Variants in ULK2 observed in about 807,000 individuals in gnomAD.
ULK2 encodes the protein serine/threonine-protein kinase ULK2.
Under a neutral mutation model 127.5 loss-of-function variants are expected in ULK2, and 76 were observed. The ratio of observed to expected loss-of-function variants is 0.60; its 90% CI spans 0.50 to 0.72. The LOEUF (loss-of-function observed/expected upper bound fraction) is 0.72. Ranked by LOEUF, ULK2 falls within the 30% of genes least tolerant of loss-of-function variation. ULK2 has a pLI of 0.00. For missense variants in ULK2, 1,144 were observed against 1,295.9 expected, an observed-to-expected ratio of 0.88 and a Z score of 1.80; for synonymous variants, 452 against 461.9, an observed-to-expected ratio of 0.98 and a Z score of 0.28.
chr17:19,799,558 G>T lies in ULK2; in HGVS notation c.1459C>A (p.Gln487Lys). Reference sequence around the variant, plus strand: ...TGCCCACAGCAGCACTGACTGAATTGCTCAGGAATGGTACCAACTACAAAA... The same window carrying T: ...TGCCCACAGCAGCACTGACTGAATTTCTCAGGAATGGTACCAACTACAAAA... ...PSPLVGTIPE[Q>K]FSQCCCGHPQ... is the part of the protein sequence containing the mutation. Residue 487 changes from glutamine (Q) to lysine (K), a missense_variant, in exon 17 of 27, where the codon CAA becomes AAA. Around this residue, in one of 2 missense-constraint regions of ULK2, gnomAD observed 913 missense variants for 970.5 expected, o/e 0.94. Coordinates refer to ENST00000395544, the MANE Select transcript of ULK2 (RefSeq NM_014683.4). 6.5e-7 allele frequency: 1 copy of T among 1,539,150 alleles called. No individual in the cohort carries two copies. Among genetic ancestry groups the T allele is most frequent in the Non-Finnish European group, 8.7e-7 (1 of 1,152,976 alleles).
rs1482978056 is a variant in ULK2 at position 19,773,442 on chromosome 17, T to C, written c.*2907A>G. On this transcript the variant is annotated 3_prime_UTR_variant, in exon 27 of 27. Transcript: ENST00000395544. ...GGGACTCTAGTGAGGGCAGAACTGCTGGGCTGGTAATTCCTCTTGGTGGAG... is the reference window on the plus strand; with the variant it reads ...GGGACTCTAGTGAGGGCAGAACTGCCGGGCTGGTAATTCCTCTTGGTGGAG... 1 of 152,180 alleles carries C rather than the reference T, an allele frequency of 6.6e-6. No individual in the cohort carries two copies. The highest frequency in any genetic ancestry group is 2.4e-5 in the African/African-American group (1 of 41,430). The allele number at this position is 152,180 out of a possible 1,614,324, so 9.4% of individuals were successfully genotyped here. A position where few individuals can be genotyped will look rare whatever the true frequency, so the allele number is the denominator to read the frequency against.
intron 3 of ULK2, among the ~76,000 whole-genome samples, chr17:19,852,044 C>CAAAAA (rs201031615): frequency 8.1e-5 from 4 of 49,108 alleles, no homozygotes; most frequent in African/African-American, 1.4e-4. Context: ...GACTCCATCT[C>CAAAAA]AAAAAAAAAA....
chr17:19,852,044 C>CAAAAAAAA (rs201031615), intron 3 of ULK2, among the ~76,000 whole-genome samples: 193 of 48,222 alleles, frequency 4.0e-3, no homozygotes, highest in Non-Finnish European at 6.0e-3. Flanking sequence ...GACTCCATCT[C>CAAAAAAAA]AAAAAAAAAA....
At chr17:19,814,358 TTTAG>T (rs1306879356) in intron 13 of ULK2, among the ~76,000 whole-genome samples, 1 of 147,944 alleles carries the variant, frequency 6.8e-6, no homozygotes, top group Admixed American at 6.8e-5. Context: ...TATCTAAGTT[TTTAG>T]TTAGAAGAAA....
intron 3 of ULK2, among the ~76,000 whole-genome samples, chr17:19,857,820 C>T (rs2042164896): frequency 6.6e-6 from 1 of 152,180 alleles, no homozygotes; most frequent in Non-Finnish European, 1.5e-5. Flanking sequence ...TATCATCTAA[C>T]ACTATGCTCT....
intron 14 of ULK2, among the ~76,000 whole-genome samples, chr17:19,808,851 T>C (rs746716240): frequency 1.1e-4 from 17 of 152,214 alleles, no homozygotes; most frequent in Non-Finnish European, 2.2e-4. Flanking sequence ...ATAACTGCTA[T>C]GGAAAATTTA....
At chr17:19,818,094 G>A (rs1366262050) in intron 12 of ULK2, among the ~76,000 whole-genome samples, 2 of 152,006 alleles carry the variant, frequency 1.3e-5, no homozygotes, top group Non-Finnish European at 2.9e-5. Flanking sequence ...AGGCCGAGGC[G>A]GGCAGATCAC....
intron 3 of ULK2, among the ~76,000 whole-genome samples, chr17:19,862,938 G>A (rs1179968329): frequency 6.6e-6 from 1 of 152,116 alleles, no homozygotes; most frequent in Non-Finnish European, 1.5e-5. Flanking sequence ...AGCAGACCGG[G>A]AGTGGTGGCT....
chr17:19,806,735 A>G (rs956151812), intron 14 of ULK2, among the ~76,000 whole-genome samples: 1 of 152,220 alleles, frequency 6.6e-6, no homozygotes, highest in South Asian at 2.1e-4. Context: ...AAGTCTGTGT[A>G]TGTCCTGAGT....
rs749131666 is a variant in ULK2, at chr17:19,797,613, G to A, written c.1592C>T (p.Thr531Ile). The change falls in exon 18 of 27, where the codon ACC becomes ATC. Residue 531 changes from threonine (T) to isoleucine (I), a missense_variant. Thr to Ile is a moderately conservative substitution (Grantham distance 89, BLOSUM62 -1). Coordinates refer to ENST00000395544, the MANE Select transcript of ULK2 (RefSeq NM_014683.4). ...LSGARLQSAP[T>I]LTDIYQNKQK... ...CTTGTTCTGATAGATGTCAGTGAGG[G>A]TGGGGGCGCTCTGCAGTCTAGCACC... 3 of 1,613,378 alleles carry A rather than the reference G, an allele frequency of 1.9e-6. No individual in the cohort carries two copies. Among genetic ancestry groups the A allele is most frequent in the Non-Finnish European group, 2.5e-6 (3 of 1,179,722 alleles).
intron 12 of ULK2, among the ~76,000 whole-genome samples, chr17:19,819,725 G>A (rs529777318): frequency 6.6e-6 from 1 of 152,254 alleles, no homozygotes; most frequent in East Asian, 1.9e-4. Context: ...TCACCAGCAA[G>A]GTCTCACTCT....
Position 19,816,731 on chromosome 17 carries a change from A to G in ULK2, c.1096+18T>C, listed in dbSNP as rs1272647844. 8 of 1,549,842 alleles carry G rather than the reference A, an allele frequency of 5.2e-6. No individual in the cohort carries two copies. Among genetic ancestry groups the G allele is most frequent in the Non-Finnish European group, 6.1e-6 (7 of 1,155,476 alleles). On this transcript the variant is annotated intron_variant, in intron 13 of 26. Coordinates refer to ENST00000395544, the MANE Select transcript of ULK2 (RefSeq NM_014683.4). Reference sequence around the variant, plus strand: ...TAGATTAAGAAATACAATGTGTACAAGTAGAAAAGATTCTCACATGAGTGG... The same window carrying G: ...TAGATTAAGAAATACAATGTGTACAGGTAGAAAAGATTCTCACATGAGTGG...
At chr17:19,809,979 C>A (rs1478507059) in intron 14 of ULK2, among the ~76,000 whole-genome samples, 3 of 152,036 alleles carry the variant, frequency 2.0e-5, no homozygotes, top group African/African-American at 7.2e-5. Context: ...CGCCTATAAT[C>A]CCAGCACTCT....
chr17:19,848,426 C>T (rs1297868405), intron 5 of ULK2: 1 of 152,110 alleles, frequency 6.6e-6, no homozygotes, highest in Non-Finnish European at 1.5e-5. Context: ...ATTTTAATGA[C>T]CTGTCAAGTT....
chr17:19,862,288 AGTTTCGCCAT>A (rs1273079925), intron 3 of ULK2, among the ~76,000 whole-genome samples: 1 of 151,710 alleles, frequency 6.6e-6, no homozygotes, highest in Non-Finnish European at 1.5e-5. Flanking sequence ...GCAGAGACAG[AGTTTCGCCAT>A]GTTGGCCAGG....
chr17:19,829,537 G>C (rs116855821), intron 10 of ULK2, among the ~76,000 whole-genome samples: 474 of 5,302 alleles, frequency 0.089, 20 homozygotes, highest in East Asian at 0.39. Context: ...ACCCTGTCAA[G>C]GAAAAAAAAA....
chr17:19,832,106 T>G (rs752834978), intron 10 of ULK2, among the ~76,000 whole-genome samples: 2 of 150,406 alleles, frequency 1.3e-5, no homozygotes, highest in Non-Finnish European at 3.0e-5. Flanking sequence ...CCAGCGTTGG[T>G]GACAGAGCAA....
At position 19,867,503 on chromosome 17, in the gene ULK2, G is replaced by C. The variant is rs2042380929; in HGVS notation, c.-86C>G. Reference sequence around the variant, plus strand: ...CACCGCGGCTCCGCGGGCCCGGAGCGCGCCAGCGTGCGGCGGGTCTGGGGC... The same window carrying C: ...CACCGCGGCTCCGCGGGCCCGGAGCCCGCCAGCGTGCGGCGGGTCTGGGGC... On this transcript the variant is annotated 5_prime_UTR_variant, in exon 1 of 27. Coordinates refer to ENST00000395544, the MANE Select transcript of ULK2 (RefSeq NM_014683.4). The C allele has an allele frequency of 2.0e-6, 2 of 1,016,046 alleles. No homozygotes were observed. Among genetic ancestry groups the C allele is most frequent in the African/African-American group, 1.7e-5 (1 of 57,564 alleles). The allele number at this position is 1,016,046 out of a possible 1,614,324, so 62.9% of individuals were successfully genotyped here.
intron 16 of ULK2, among the ~76,000 whole-genome samples, chr17:19,801,317 T>C (rs1410851025): frequency 6.6e-6 from 1 of 152,190 alleles, no homozygotes; most frequent in Non-Finnish European, 1.5e-5. Flanking sequence ...CTCACACCTA[T>C]AATCCCAGCA....
Sources: allele counts gnomAD v4.1 joint callset (sites outside exome capture counted in the v4.1 genomes callset), GRCh38; gene constraint gnomAD v4.1.1; regional missense constraint gnomAD v4.1.1; transcripts MANE v1.5; gene names NCBI Gene and HGNC (gene_info 2026-07-23, HGNC 2026-07-21).